RMDN1: variants seen among roughly 807,000 people sequenced by gnomAD.
The protein encoded by RMDN1 is regulator of microtubule dynamics protein 1.
A neutral mutation model predicts 48.9 loss-of-function variants in RMDN1; 48 were observed. The observed-to-expected ratio is 0.98, with a 90% confidence interval of 0.78 to 1.25. The LOEUF (loss-of-function observed/expected upper bound fraction) is 1.25, where lower values mean the gene tolerates loss of function less well. Ranked by LOEUF, RMDN1 falls within the 50% of genes most tolerant of loss-of-function variation. The pLI is 0.00. For missense variants in RMDN1, 418 were observed against 373.4 expected (o/e 1.12, Z -0.98); for synonymous variants, 148 against 132.6 (o/e 1.12, Z -0.80).
chr8:86,493,609 T>G (rs758715088), intron 2 of RMDN1, among the ~76,000 whole-genome samples: 14 of 152,166 alleles, frequency 9.2e-5, no homozygotes, highest in Non-Finnish European at 1.5e-4. Context: ...AAGACAAATA[T>G]AGGTTGAACA....
chr8:86,495,251 A>T (rs1359200126), intron 2 of RMDN1, among the ~76,000 whole-genome samples: 1 of 152,104 alleles, frequency 6.6e-6, no homozygotes, highest in Non-Finnish European at 1.5e-5. Flanking sequence ...CATTCCTGGC[A>T]CCTAGAAGCT....
intron 2 of RMDN1, among the ~76,000 whole-genome samples, chr8:86,501,463 A>C (rs1412626826): frequency 6.6e-6 from 1 of 152,142 alleles, no homozygotes; most frequent in African/African-American, 2.4e-5. Flanking sequence ...GCTTGAGCCT[A>C]GGAGTTCAAG....
At chr8:86,496,508 A>G (rs1044560723) in intron 2 of RMDN1, among the ~76,000 whole-genome samples, 4 of 152,142 alleles carry the variant, frequency 2.6e-5, no homozygotes, top group Admixed American at 6.5e-5. Context: ...ATTTCAGAGA[A>G]AACAGATGTT....
chr8:86,470,201 G>A (rs1812422217), downstream of RMDN1: 1 of 1,289,018 alleles, frequency 7.8e-7, no homozygotes, highest in Non-Finnish European at 1.0e-6. Flanking sequence ...TTAGAACACA[G>A]AGTACTACCA....
chr8:86,491,781 T>C (rs10089169), intron 2 of RMDN1, among the ~76,000 whole-genome samples: 23,368 of 152,154 alleles, frequency 0.15, 1,930 homozygotes, highest in Non-Finnish European at 0.19. Flanking sequence ...TGATGTGACC[T>C]CCTACATATA....
At chr8:86,469,569 C>T (rs1812380599), downstream of RMDN1, among the ~76,000 whole-genome samples, 1 of 152,168 alleles carries the variant, frequency 6.6e-6, no homozygotes, top group Non-Finnish European at 1.5e-5. Flanking sequence ...TGTGTGGTTC[C>T]TGTCCTATAG....
intron 2 of RMDN1, chr8:86,504,685 C>T: frequency 1.1e-6 from 1 of 874,490 alleles, no homozygotes; most frequent in South Asian, 1.3e-5. Context: ...TTTATCGGGG[C>T]TATCTTGGTC....
Position 86,486,508 on chromosome 8 carries a change from AT to A in RMDN1, c.470del (p.Asn157MetfsTer44). 4 of 1,597,786 alleles carry A rather than the reference AT, an allele frequency of 2.5e-6. No homozygotes were observed. Among genetic ancestry groups the A allele is most frequent in the Non-Finnish European group, 3.4e-6 (4 of 1,169,998 alleles). ...LEYAKRALEK[N>X]ESSFASHKWY... ...CCTTATGAGATGCAAAACTTGATTCATTTTTTTCTAGTGCTCTTTTTGCATA... is the reference window on the plus strand; with the variant it reads ...CCTTATGAGATGCAAAACTTGATTCATTTTTTCTAGTGCTCTTTTTGCATA... On this transcript the variant is annotated frameshift_variant, in exon 4 of 10. Transcript: ENST00000406452. LOFTEE classifies it high-confidence loss of function.
intron 2 of RMDN1, 45 bp from the exon 3 acceptor site, chr8:86,488,684 C>T: frequency 7.6e-7 from 1 of 1,316,188 alleles, no homozygotes; most frequent in Non-Finnish European, 1.1e-6. Context: ...AATAGGTCTT[C>T]CCAAGTCAGA....
chr8:86,494,964 ACT>A (rs1328609688), intron 2 of RMDN1: 1 of 423,148 alleles, frequency 2.4e-6, no homozygotes, highest in Non-Finnish European at 4.6e-6. Flanking sequence ...ACACAGCGAG[ACT>A]CTGTCTCAAA....
At chr8:86,489,449 T>A (rs1019232695) in intron 2 of RMDN1, among the ~76,000 whole-genome samples, 1 of 152,234 alleles carries the variant, frequency 6.6e-6, no homozygotes, top group Non-Finnish European at 1.5e-5. Context: ...TTGTCTTCTA[T>A]AAGGGTACTG....
At chr8:86,487,545 G>A (rs1019622066) in intron 3 of RMDN1, among the ~76,000 whole-genome samples, 2 of 152,032 alleles carry the variant, frequency 1.3e-5, no homozygotes, top group East Asian at 1.9e-4. Flanking sequence ...CCAAGATTGC[G>A]CCATTGCACT....
chr8:86,478,833 C>T, intron 7 of RMDN1, 90 bp downstream of exon 7: 1 of 1,013,244 alleles, frequency 9.9e-7, no homozygotes, highest in Non-Finnish European at 1.5e-6. Context: ...AAGTCCCTCA[C>T]TGAATCAGAG....
At chr8:86,477,684 G>A (rs1464601296) in intron 7 of RMDN1, among the ~76,000 whole-genome samples, 1 of 152,062 alleles carries the variant, frequency 6.6e-6, no homozygotes, top group Admixed American at 6.5e-5. Flanking sequence ...ATAATCAAAA[G>A]CTGAATTTAT....
rs1819787835 is a variant in RMDN1 at position 86,508,544 on chromosome 8, C to T, written c.77G>A (p.Gly26Glu). The change falls in exon 1 of 10, where the codon GGG becomes GAG. Residue 26 changes from glycine (G) to glutamate (E), a missense_variant. Transcript: ENST00000406452. Reference sequence around the variant, plus strand: ...GCAATGCCCGCGGCTGCCCGAAGTCCCCGCAGGGAGACGAGACCCCGGGGC... The same window carrying T: ...GCAATGCCCGCGGCTGCCCGAAGTCTCCGCAGGGAGACGAGACCCCGGGGC... The part of the protein sequence containing the change: ...GAAPGSRLPA[G>E]TSGSRGHCGP... 6.3e-7 allele frequency: 1 copy of T among 1,588,180 alleles called. No homozygotes were observed. The highest frequency in any genetic ancestry group is 8.5e-7 in the Non-Finnish European group (1 of 1,169,682).
chr8:86,473,887 A>C lies in RMDN1; in HGVS notation c.*421T>G, dbSNP rs1205218800. ...TTATGTCAGGAACCCACAACATCCT[A>C]ACCACTGTCACCACACCTTCTCTTC... On this transcript the variant is annotated 3_prime_UTR_variant, in exon 10 of 10. Coordinates refer to ENST00000406452, the MANE Select transcript of RMDN1 (RefSeq NM_016033.3). The C allele has an allele frequency of 1.0e-6, 1 of 996,102 alleles. No individual in the cohort carries two copies. Among genetic ancestry groups the C allele is most frequent in the Non-Finnish European group, 1.2e-6 (1 of 837,202 alleles). 61.7% of individuals were successfully genotyped at this position (996,102 alleles called of 1,614,324 possible).
intron 2 of RMDN1, among the ~76,000 whole-genome samples, chr8:86,502,129 G>A (rs967122326): frequency 6.6e-6 from 1 of 152,144 alleles, no homozygotes; most frequent in African/African-American, 2.4e-5. Flanking sequence ...ATTAAAAAGT[G>A]AGGATTGTAA....
Position 86,474,178 on chromosome 8 carries a change from T to C in RMDN1, c.*130A>G. 7.0e-7 allele frequency: 1 copy of C among 1,436,134 alleles called. No individual in the cohort carries two copies. The highest frequency in any genetic ancestry group is 9.1e-7 in the Non-Finnish European group (1 of 1,096,016). 89.0% of individuals were successfully genotyped at this position (1,436,134 alleles called of 1,614,324 possible). On this transcript the variant is annotated 3_prime_UTR_variant, in exon 10 of 10. Coordinates refer to ENST00000406452, the MANE Select transcript of RMDN1 (RefSeq NM_016033.3). ...ATTTGTGAAGAAGCCTAGAATATTT[T>C]ATATTTACACGGTTAAATGGTCACA...
chr8:86,488,100 AT>A (rs1465868644), intron 3 of RMDN1, among the ~76,000 whole-genome samples: 1 of 152,172 alleles, frequency 6.6e-6, no homozygotes, highest in Admixed American at 6.5e-5. Flanking sequence ...AAAAGGGGGT[AT>A]TTTTGGTTTC....
Sources: allele counts gnomAD v4.1 joint callset (sites outside exome capture counted in the v4.1 genomes callset), GRCh38; gene constraint gnomAD v4.1.1; transcripts MANE v1.5; gene names NCBI Gene and HGNC (gene_info 2026-07-23, HGNC 2026-07-21).